The following MTFR1 variants were observed in gnomAD, a reference collection of about 807,000 sequenced individuals.
MTFR1 encodes the protein mitochondrial fission regulator 1.
MTFR1 carries 28 observed loss-of-function variants against 38.8 expected under a neutral mutation model. That is an observed-to-expected ratio of 0.72 (90% CI 0.53 to 0.99). The LOEUF (loss-of-function observed/expected upper bound fraction) is 0.99. Among genes scored for constraint, MTFR1 ranks in the 50% least tolerant of loss-of-function variants. MTFR1 has a pLI of 0.00. For missense variants in MTFR1, 358 were observed against 395.5 expected (o/e 0.91, Z 0.81); for synonymous variants, 145 against 137.0 (o/e 1.06, Z -0.41).
downstream of MTFR1, among the ~76,000 whole-genome samples, chr8:65,772,993 T>C (rs1436955098): frequency 6.6e-6 from 1 of 151,942 alleles, no homozygotes; most frequent in Non-Finnish European, 1.5e-5. Context: ...GGGCGACAGA[T>C]TGAGACTCTG....
chr8:65,758,517 A>ACAAATCTTG (rs990877430), intron 3 of MTFR1, among the ~76,000 whole-genome samples: 1 of 152,198 alleles, frequency 6.6e-6, no homozygotes, highest in Non-Finnish European at 1.5e-5. Flanking sequence ...AGAAAAAGAC[A>ACAAATCTTG]CAAATCTTGT....
chr8:65,758,192 A>G (rs975057397), intron 3 of MTFR1, among the ~76,000 whole-genome samples: 4 of 152,324 alleles, frequency 2.6e-5, no homozygotes, highest in Admixed American at 2.6e-4. Flanking sequence ...TTTTACCACT[A>G]GGCAATAACA....
chr8:65,712,288 CG>C (rs1805968304), downstream of MTFR1, among the ~76,000 whole-genome samples: 3 of 152,282 alleles, frequency 2.0e-5, no homozygotes, highest in South Asian at 6.2e-4. Context: ...GCACTGACCG[CG>C]GGGGCTGAGC....
chr8:65,669,896 C>A lies in MTFR1; in HGVS notation c.-57C>A. ...AGTGTGTTTTATGGACCATGTGCTG[C>A]TATGTATGCCTGAAGAAGTACTTGA... On this transcript the variant is annotated 5_prime_UTR_variant, in exon 2 of 8. An upstream open reading frame in the 5' UTR gains an earlier in-frame stop. Transcript: ENST00000262146. The A allele has an allele frequency of 7.5e-7, 1 of 1,334,222 alleles. No homozygotes were observed. Among genetic ancestry groups the A allele is most frequent in the African/African-American group, 1.5e-5 (1 of 68,394 alleles). 82.6% of individuals were successfully genotyped at this position (1,334,222 alleles called of 1,614,324 possible).
intron 1 of MTFR1, among the ~76,000 whole-genome samples, chr8:65,667,989 A>G (rs956204307): frequency 6.6e-6 from 1 of 151,968 alleles, no homozygotes; most frequent in Non-Finnish European, 1.5e-5. Flanking sequence ...AGCACTTGGC[A>G]TATTTGTGGC....
chr8:65,658,391 A>G (rs769507729), intron 1 of MTFR1, among the ~76,000 whole-genome samples: 4 of 152,244 alleles, frequency 2.6e-5, no homozygotes, highest in Admixed American at 1.3e-4. Flanking sequence ...TGACTGCTAT[A>G]AATTTTAGTC....
At chr8:65,730,157 C>T (rs35901892) in intron 3 of MTFR1, among the ~76,000 whole-genome samples, 10,610 of 135,904 alleles carry the variant, frequency 0.078, 487 homozygotes, top group African/African-American at 0.096. Context: ...GTGAGGGATC[C>T]AGGTTGCGCA....
chr8:65,710,931 G>GTAAC (rs1285991901), downstream of MTFR1, among the ~76,000 whole-genome samples: 4 of 151,596 alleles, frequency 2.6e-5, no homozygotes, highest in South Asian at 4.2e-4. Flanking sequence ...AGAAAGAAAG[G>GTAAC]TAACTAACTT....
At chr8:65,665,422 G>C (rs944565767) in intron 1 of MTFR1, among the ~76,000 whole-genome samples, 3 of 152,128 alleles carry the variant, frequency 2.0e-5, no homozygotes, top group Admixed American at 1.3e-4. Flanking sequence ...CCTGATTAAA[G>C]ATATAGTCAC....
intron 1 of MTFR1, among the ~76,000 whole-genome samples, chr8:65,662,091 CCT>C (rs1203167901): frequency 1.0e-5 from 1 of 99,384 alleles, no homozygotes; most frequent in African/African-American, 3.4e-5. Context: ...TCTCCCTCTC[CCT>C]CTCTTTCCAC....
intron 1 of MTFR1, among the ~76,000 whole-genome samples, chr8:65,666,898 C>G (rs888455768): frequency 6.6e-6 from 1 of 152,168 alleles, no homozygotes; most frequent in Non-Finnish European, 1.5e-5. Context: ...TCACTCTGTG[C>G]CCCACTTCCC....
At chr8:65,660,312 C>CA (rs368007051) in intron 1 of MTFR1, among the ~76,000 whole-genome samples, 3,136 of 129,344 alleles carry the variant, frequency 0.024, 107 homozygotes, top group African/African-American at 0.08. Context: ...AAAAAAAAGA[C>CA]AAAAAAAAAA....
At chr8:65,725,909 G>A (rs1013925556) in intron 3 of MTFR1, among the ~76,000 whole-genome samples, 3 of 151,946 alleles carry the variant, frequency 2.0e-5, no homozygotes, top group African/African-American at 4.8e-5. Context: ...AGCAATTTTC[G>A]TATTTGTACT....
chr8:65,670,032 A>G lies in MTFR1; in HGVS notation c.66+14A>G. 1 of 1,579,754 alleles carries G rather than the reference A, an allele frequency of 6.3e-7. No individual in the cohort carries two copies. The highest frequency in any genetic ancestry group is 2.3e-5 in the East Asian group (1 of 44,348). ...AGCATGCAATCGGTGAGTGCTCAAAATTCATTTTTTAAATCCCGACATTTA... is the reference window on the plus strand; with the variant it reads ...AGCATGCAATCGGTGAGTGCTCAAAGTTCATTTTTTAAATCCCGACATTTA... On this transcript the variant is annotated intron_variant, in intron 2 of 7. Coordinates refer to ENST00000262146, the MANE Select transcript of MTFR1 (RefSeq NM_014637.4).
chr8:65,681,067 C>G (rs890225274), intron 2 of MTFR1, among the ~76,000 whole-genome samples: 2 of 151,874 alleles, frequency 1.3e-5, no homozygotes, highest in Admixed American at 1.3e-4. Flanking sequence ...CGCCCGCCAC[C>G]GTGCCCGGCT....
chr8:65,743,447 A>G (rs886624679), intron 3 of MTFR1, among the ~76,000 whole-genome samples: 1 of 152,224 alleles, frequency 6.6e-6, no homozygotes, highest in Non-Finnish European at 1.5e-5. Context: ...GGGGAGGAAT[A>G]AAAAGGCAGG....
At chr8:65,738,604 G>A (rs1807257045) in intron 3 of MTFR1, among the ~76,000 whole-genome samples, 1 of 151,986 alleles carries the variant, frequency 6.6e-6, no homozygotes, top group Non-Finnish European at 1.5e-5. Context: ...TAATTTTTTT[G>A]TATTTTTAGT....
intron 3 of MTFR1, among the ~76,000 whole-genome samples, chr8:65,737,379 C>T (rs1300276520): frequency 6.6e-6 from 1 of 152,130 alleles, no homozygotes; most frequent in Non-Finnish European, 1.5e-5. Flanking sequence ...AGTATAGCTA[C>T]TGGGGCTACT....
chr8:65,770,332 G>T (rs903177030), intron 3 of MTFR1, among the ~76,000 whole-genome samples: 1 of 152,210 alleles, frequency 6.6e-6, no homozygotes, highest in Non-Finnish European at 1.5e-5. Context: ...TGGCTGGGGA[G>T]GCCTCATAAT....
Sources: allele counts gnomAD v4.1 joint callset (sites outside exome capture counted in the v4.1 genomes callset), GRCh38; gene constraint gnomAD v4.1.1; transcripts MANE v1.5; gene names NCBI Gene and HGNC (gene_info 2026-07-23, HGNC 2026-07-21).